Variants in TAF1B observed in about 807,000 individuals in gnomAD.
TAF1B encodes the protein TATA box-binding protein-associated factor RNA polymerase I subunit B.
TAF1B carries 61 observed loss-of-function variants against 83.9 expected under a neutral mutation model. The ratio of observed to expected loss-of-function variants is 0.73; its 90% confidence interval spans 0.59 to 0.90. The LOEUF (loss-of-function observed/expected upper bound fraction) is 0.90. TAF1B is among the 40% of genes least tolerant of loss of function. The probability of loss-of-function intolerance (pLI) is 0.00; values close to 1 mark genes in which losing one functional copy is unlikely to be tolerated. For missense variants in TAF1B, 625 were observed against 677.0 expected (o/e 0.92, Z 0.85); for synonymous variants, 221 against 224.6 (o/e 0.98, Z 0.14).
chr2:9,859,354 G>T (rs1224297567), intron 5 of TAF1B, among the ~76,000 whole-genome samples: 1 of 150,266 alleles, frequency 6.7e-6, no homozygotes, highest in East Asian at 2.0e-4. Flanking sequence ...AACCACTTCA[G>T]CCTGGACTTC....
Position 9,881,195 on chromosome 2 carries a change from A to G in TAF1B, c.708-1511A>G, listed in dbSNP as rs71437680. Among the ~76,000 whole-genome samples, 1,465 of 152,234 alleles carry G rather than the reference A, an allele frequency of 9.6e-3. 12 individuals are homozygous for G. The highest frequency in any genetic ancestry group is 0.017 in the Non-Finnish European group (1,123 of 68,006). ...CTAAAAATACAAAAATTAGCCAGGC[A>G]TGGTGGTGGGTGCCTGTAAGTAATT... is the stretch of plus-strand genomic sequence containing the variant. On this transcript the variant is annotated intron_variant, in intron 7 of 14. Transcript: ENST00000263663.
chr2:9,892,440 T>C (rs1467225421), intron 8 of TAF1B, among the ~76,000 whole-genome samples: 5 of 152,084 alleles, frequency 3.3e-5, no homozygotes, highest in African/African-American at 1.2e-4. Context: ...CCTTCTGTCT[T>C]CTGAAACTTT....
At chr2:9,860,560 A>C (rs932082772) in intron 5 of TAF1B, among the ~76,000 whole-genome samples, 2 of 152,242 alleles carry the variant, frequency 1.3e-5, no homozygotes, top group Non-Finnish European at 2.9e-5. Context: ...TCACCAAGGT[A>C]TGAAGACAGA....
intron 8 of TAF1B, among the ~76,000 whole-genome samples, chr2:9,901,962 A>G (rs550195136): frequency 6.6e-6 from 1 of 152,314 alleles, no homozygotes; most frequent in African/African-American, 2.4e-5. Flanking sequence ...CTTCAGCTAC[A>G]GATCAATCAT....
At chr2:9,862,824 A>T (rs1054851985) in intron 5 of TAF1B, among the ~76,000 whole-genome samples, 15 of 152,214 alleles carry the variant, frequency 9.9e-5, no homozygotes, top group Non-Finnish European at 2.1e-4. Context: ...TCAACCTATA[A>T]TTTCATATCC....
chr2:9,868,694 G>T, intron 6 of TAF1B: 3 of 593,990 alleles, frequency 5.1e-6, no homozygotes, highest in South Asian at 4.6e-5. Context: ...CCAGAAAGAA[G>T]GAGGCTGCTT....
intron 7 of TAF1B, among the ~76,000 whole-genome samples, chr2:9,877,241 T>A (rs999920342): frequency 2.0e-5 from 3 of 152,212 alleles, no homozygotes; most frequent in African/African-American, 7.2e-5. Context: ...ACCCATAGAT[T>A]CATATATACA....
chr2:9,919,238 T>G (rs927360239), intron 13 of TAF1B, 127 bp downstream of exon 13: 8 of 740,666 alleles, frequency 1.1e-5, no homozygotes, highest in Non-Finnish European at 1.6e-5. Flanking sequence ...AGGGCACATG[T>G]ACATCCAAAG....
At chr2:9,924,328 G>A (rs553791228) in intron 14 of TAF1B, among the ~76,000 whole-genome samples, 1 of 152,304 alleles carries the variant, frequency 6.6e-6, no homozygotes, top group South Asian at 2.1e-4. Context: ...AGGCTGAGTT[G>A]TCTGATTTCC....
chr2:9,847,191 C>G (rs1321957606), intron 2 of TAF1B, among the ~76,000 whole-genome samples: 1 of 152,154 alleles, frequency 6.6e-6, no homozygotes, highest in East Asian at 1.9e-4. Context: ...ACTGTCAACT[C>G]CTGTGGAGTA....
rs760237041 is a variant in TAF1B, at chr2:9,882,722, C to A, written c.724C>A (p.His242Asn). The change falls in exon 8 of 15, where the codon CAT becomes AAT. Residue 242 changes from histidine to asparagine, a missense_variant. His to Asn is a moderately conservative substitution (Grantham distance 68). Transcript: ENST00000263663. ...SDLLRFVEED[H>N]IPYINAFQHF... is the part of the protein sequence containing the mutation. The stretch of plus-strand genomic sequence containing the variant: ...AAAATACAGGTTTGTTGAAGAGGAC[C>A]ATATTCCTTACATAAATGCTTTTCA... 1.5e-5 allele frequency: 24 copies of A among 1,609,706 alleles called. 1 individual carries two copies. The South Asian group carries it at 2.7e-4, about 18-fold the overall frequency.
chr2:9,876,973 A>G (rs1664338805), intron 7 of TAF1B, among the ~76,000 whole-genome samples: 1 of 152,198 alleles, frequency 6.6e-6, no homozygotes, highest in Non-Finnish European at 1.5e-5. Context: ...CTTTGATTAA[A>G]TGTAATGCCT....
chr2:9,861,337 G>T (rs1236215860), intron 5 of TAF1B, among the ~76,000 whole-genome samples: 1 of 152,250 alleles, frequency 6.6e-6, no homozygotes, highest in Non-Finnish European at 1.5e-5. Flanking sequence ...TGCCCATGGA[G>T]CCTCGCTGAT....
intron 10 of TAF1B, among the ~76,000 whole-genome samples, chr2:9,911,249 A>G (rs916199362): frequency 3.3e-5 from 5 of 152,140 alleles, no homozygotes; most frequent in African/African-American, 1.2e-4. Context: ...CTCTATCTAT[A>G]TCCCTTTAGG....
chr2:9,930,341 G>A (rs1294395391), intron 14 of TAF1B, among the ~76,000 whole-genome samples: 1 of 152,132 alleles, frequency 6.6e-6, no homozygotes. Context: ...TCTACACACT[G>A]CTTTAAATGT....
chr2:9,907,487 C>T (rs574080317), intron 9 of TAF1B, among the ~76,000 whole-genome samples: 26 of 151,990 alleles, frequency 1.7e-4, no homozygotes, highest in Non-Finnish European at 2.5e-4. Context: ...AGACAATAGC[C>T]GCCCCTCCTC....
At chr2:9,844,582 TTATAG>T (rs1416257071) in intron 1 of TAF1B, 5 of 152,312 alleles carry the variant, frequency 3.3e-5, no homozygotes, top group African/African-American at 1.2e-4. Flanking sequence ...CAGTACGGTC[TTATAG>T]TAGAGGCTTA....
intron 11 of TAF1B, 126 bp downstream of exon 11, chr2:9,911,683 A>C: frequency 1.8e-6 from 1 of 545,498 alleles, no homozygotes; most frequent in Non-Finnish European, 3.0e-6. Context: ...TACAAATTGT[A>C]TATTGTACCA....
rs1664302417 is a variant in TAF1B at position 9,875,694 on chromosome 2, C to G, written c.554-171C>G. Among the ~76,000 whole-genome samples the G allele has an allele frequency of 2.0e-5, 3 of 152,170 alleles. No homozygotes were observed. In the South Asian group the frequency reaches 6.2e-4, roughly 32 times the overall value. ...CATGATTCAATTACTTTCCCCAGGT[C>G]CCTCCCATGACACGTGGGAATTATG... On this transcript the variant is annotated intron_variant, in intron 6 of 14. Transcript: ENST00000263663.
Sources: allele counts gnomAD v4.1 joint callset (sites outside exome capture counted in the v4.1 genomes callset), GRCh38; gene constraint gnomAD v4.1.1; transcripts MANE v1.5; gene names NCBI Gene and HGNC (gene_info 2026-07-23, HGNC 2026-07-21).